The following CSF2RA variants were observed in gnomAD, a reference collection of about 807,000 sequenced individuals.
The protein encoded by CSF2RA is colony stimulating factor 2 receptor subunit alpha.
A neutral mutation model predicts 51.6 loss-of-function variants in CSF2RA; 42 were observed. That is an observed-to-expected ratio of 0.81 (90% confidence interval 0.64 to 1.05). The LOEUF (loss-of-function observed/expected upper bound fraction) is 1.05, where lower values mean the gene tolerates loss of function less well. CSF2RA is among the 50% of genes least tolerant of loss of function. CSF2RA has a pLI of 0.00. For missense variants in CSF2RA, 530 were observed against 501.1 expected, an observed-to-expected ratio of 1.06 and a Z score of -0.55; for synonymous variants, 222 against 193.0, an observed-to-expected ratio of 1.15 and a Z score of -1.24.
At chrX:1,283,898 A>T (rs2090338469) in intron 3 of CSF2RA, among the ~76,000 whole-genome samples, 1 of 151,990 alleles carries the variant, frequency 6.6e-6, no homozygotes, top group Non-Finnish European at 1.5e-5. Context: ...AATAGCAGCC[A>T]TTGTGACTGG....
rs1390695649 is a variant in CSF2RA, at chrX:1,288,861, A to G, written c.446A>G (p.Gln149Arg). ...ARGPTAPRDV[Q>R]YFLYIRNSKR... Reference sequence around the variant, plus strand: ...GGTCCGACGGCCCCCCGTGACGTCCAGTATTTTTTGTACATACGAAACTCA... The same window carrying G: ...GGTCCGACGGCCCCCCGTGACGTCCGGTATTTTTTGTACATACGAAACTCA... The change falls in exon 6 of 13, where the codon CAG becomes CGG. Residue 149 changes from glutamine to arginine, a missense_variant. Physicochemically the swap from Gln to Arg is conservative, Grantham distance 43. Transcript: ENST00000381529. The G allele has an allele frequency of 3.7e-6, 6 of 1,613,456 alleles. No homozygotes were observed. The African/African-American group carries it at 8.0e-5, about 22-fold the overall frequency.
chrX:1,305,828 C>G, intron 12 of CSF2RA: 1 of 1,530,060 alleles, frequency 6.5e-7, no homozygotes, highest in Non-Finnish European at 8.9e-7. Context: ...TGCCTGTCAT[C>G]CCAGCACTTT....
At chrX:1,286,551 A>T (rs2090688961) in intron 4 of CSF2RA, among the ~76,000 whole-genome samples, 1 of 149,834 alleles carries the variant, frequency 6.7e-6, no homozygotes, top group Admixed American at 6.7e-5. Context: ...CCTGGGCAAC[A>T]AGAGCAAAAC....
intron 9 of CSF2RA, among the ~76,000 whole-genome samples, chrX:1,296,323 C>A (rs2091951624): frequency 1.4e-5 from 2 of 142,296 alleles, no homozygotes; most frequent in South Asian, 2.3e-4. Flanking sequence ...ACGACCCCTA[C>A]ACTCTCCTAC....
chrX:1,289,909 GT>G (rs2091206502), intron 6 of CSF2RA, among the ~76,000 whole-genome samples: 1 of 68,866 alleles, frequency 1.5e-5, no homozygotes, highest in Non-Finnish European at 3.4e-5. Context: ...GTGTTTTTGT[GT>G]TTTGTTTTTG....
chrX:1,314,953 G>GCCTGCCCAACCACACTGCA (rs2084494881), downstream of CSF2RA, among the ~76,000 whole-genome samples: 1 of 73,874 alleles, frequency 1.4e-5, no homozygotes, highest in Admixed American at 1.4e-4. Context: ...ACCCCTCTGT[G>GCCTGCCCAACCACACTGCA]CCTGCCCAAC....
rs868597057 is a variant in CSF2RA at position 1,288,407 on chromosome X, G to T, written c.220-112G>T. On this transcript the variant is annotated intron_variant, in intron 4 of 12. Coordinates refer to ENST00000381529, the MANE Select transcript of CSF2RA (RefSeq NM_172245.4). Reference sequence around the variant, plus strand: ...TGAGGCGGGAGAATTGCTTGAACCTGGAAGGCGGAGGTTGTAGTGAGCCGA... The same window carrying T: ...TGAGGCGGGAGAATTGCTTGAACCTTGAAGGCGGAGGTTGTAGTGAGCCGA... 2.4e-5 allele frequency: 24 copies of T among 1,010,804 alleles called. 2 individuals are homozygous for T. The highest frequency in any genetic ancestry group is 1.6e-5 in the Non-Finnish European group (11 of 675,224). 62.6% of individuals were successfully genotyped at this position (1,010,804 alleles called of 1,614,324 possible).
chrX:1,306,611 C>T (rs1189404861), intron 12 of CSF2RA, among the ~76,000 whole-genome samples: 1 of 151,976 alleles, frequency 6.6e-6, no homozygotes, highest in East Asian at 1.9e-4. Flanking sequence ...CGCACCATTG[C>T]ACTCTAACCT....
At chrX:1,269,939 C>G (rs1425756505) in intron 1 of CSF2RA, among the ~76,000 whole-genome samples, 2 of 151,964 alleles carry the variant, frequency 1.3e-5, no homozygotes, top group Non-Finnish European at 2.9e-5. Context: ...AAAACCACAC[C>G]TTTATTAAAA....
At chrX:1,290,157 T>C (rs1278800889) in intron 6 of CSF2RA, among the ~76,000 whole-genome samples, 180 bp from the exon 7 acceptor site, 2 of 152,002 alleles carry the variant, frequency 1.3e-5, no homozygotes, top group African/African-American at 4.8e-5. Context: ...TTTCGTTTTG[T>C]TTTGTGTTTT....
At chrX:1,314,481 T>TGCCCA (rs1569514886), downstream of CSF2RA, among the ~76,000 whole-genome samples, 2 of 140,030 alleles carry the variant, frequency 1.4e-5, no homozygotes, top group Non-Finnish European at 3.1e-5. Context: ...CCAATGCACC[T>TGCCCA]ACCCAACCCC....
chrX:1,301,590 T>C, intron 10 of CSF2RA, among the ~76,000 whole-genome samples: 1 of 135,320 alleles, frequency 7.4e-6, no homozygotes, highest in South Asian at 2.3e-4. Context: ...TCTCCCTCTT[T>C]TTTTCTTTTT....
At chrX:1,274,297 C>T (rs1177242058) in intron 1 of CSF2RA, among the ~76,000 whole-genome samples, 6 of 151,752 alleles carry the variant, frequency 4.0e-5, no homozygotes, top group Admixed American at 1.3e-4. Flanking sequence ...ACACAGGGCA[C>T]AATTTGCTTT....
the CSF2RA span, among the ~76,000 whole-genome samples, chrX:1,316,665 C>A: frequency 9.2e-5 from 14 of 152,210 alleles, no homozygotes; most frequent in Non-Finnish European, 1.9e-4. Context: ...GAGGGAACAC[C>A]GGCGTCATGG....
chrX:1,285,634 GCAGCTT>G, intron 3 of CSF2RA, 138 bp from the exon 4 acceptor site: 2 of 47,214 alleles, frequency 4.2e-5, no homozygotes, highest in Non-Finnish European at 5.3e-5. Flanking sequence ...GGTGGAGCTT[GCAGCTT>G]GCAGTGACCT....
intron 3 of CSF2RA, among the ~76,000 whole-genome samples, chrX:1,284,195 C>CTTTTTT (rs752104115): frequency 1.4e-4 from 13 of 91,784 alleles, no homozygotes; most frequent in African/African-American, 4.7e-4. Context: ...CTCTGTCTCT[C>CTTTTTT]TTTTTTTTTT....
chrX:1,278,452 C>T (rs754238524), intron 2 of CSF2RA, among the ~76,000 whole-genome samples: 124 of 148,628 alleles, frequency 8.3e-4, no homozygotes, highest in Non-Finnish European at 1.6e-3. Flanking sequence ...TTTGGGAGCC[C>T]GAGGCAGGTG....
intron 10 of CSF2RA, among the ~76,000 whole-genome samples, chrX:1,302,481 A>G (rs1474328161): frequency 7.2e-5 from 11 of 151,896 alleles, no homozygotes; most frequent in Non-Finnish European, 1.3e-4. Context: ...GGGTGACTGC[A>G]CCTGTAAGAA....
intron 9 of CSF2RA, among the ~76,000 whole-genome samples, chrX:1,298,881 T>A (rs2092183920): frequency 6.6e-6 from 1 of 151,964 alleles, no homozygotes; most frequent in South Asian, 2.1e-4. Context: ...CTGCCCCACG[T>A]CTACCTGGAT....
Sources: gnomAD v4.1 joint callset for allele counts (sites outside exome capture counted in the v4.1 genomes callset) on GRCh38, gnomAD v4.1.1 for gene constraint, MANE v1.5 for transcripts, NCBI Gene and HGNC (gene_info 2026-07-23, HGNC 2026-07-21) for gene names.